LONRF1: variants seen among roughly 807,000 people sequenced by gnomAD.
LONRF1 encodes the protein LON peptidase N-terminal domain and RING finger protein 1.
LONRF1 carries 37 observed loss-of-function variants against 85.8 expected under a neutral mutation model. The observed-to-expected ratio is 0.43, with a 90% CI of 0.33 to 0.57. The LOEUF (loss-of-function observed/expected upper bound fraction) is 0.57, where lower values mean the gene tolerates loss of function less well. Among genes scored for constraint, LONRF1 ranks in the 20% least tolerant of loss-of-function variants. The pLI, the probability that LONRF1 is intolerant of heterozygous loss-of-function variation, is 0.04. For missense variants in LONRF1, 1,036 were observed against 978.0 expected (o/e 1.06, Z -0.79); for synonymous variants, 517 against 390.1 (o/e 1.33, Z -3.83).
intron 1 of LONRF1, among the ~76,000 whole-genome samples, chr8:12,746,538 A>G (rs972217515): frequency 1.8e-4 from 28 of 152,206 alleles, no homozygotes; most frequent in African/African-American, 6.8e-4. Context: ...AACCACTAAG[A>G]GCATGATCTG....
intron 6 of LONRF1, among the ~76,000 whole-genome samples, chr8:12,736,394 T>TATTTAGAATTTAAATAG (rs1798716045): frequency 6.6e-6 from 1 of 152,156 alleles, no homozygotes; most frequent in Non-Finnish European, 1.5e-5. Flanking sequence ...AATAATATCA[T>TATTTAGAATTTAAATAG]CTATAACTTT....
chr8:12,727,295 G>A (rs1798350454), intron 10 of LONRF1: 1 of 147,364 alleles, frequency 6.8e-6, no homozygotes, highest in Non-Finnish European at 1.5e-5. Flanking sequence ...TTTTTGGCCA[G>A]CTCCATTTTA....
At chr8:12,748,984 C>A (rs757259129) in intron 1 of LONRF1, among the ~76,000 whole-genome samples, 1 of 151,986 alleles carries the variant, frequency 6.6e-6, no homozygotes, top group Non-Finnish European at 1.5e-5. Context: ...GTTCAGATCC[C>A]CTTTTGGTAG....
chr8:12,733,007 T>G (rs767410870), intron 7 of LONRF1, among the ~76,000 whole-genome samples: 12 of 152,112 alleles, frequency 7.9e-5, no homozygotes, highest in Non-Finnish European at 1.5e-4. Context: ...GTGGTGGTTT[T>G]CAAAGTTTAG....
chr8:12,754,829 T>A lies in LONRF1; in HGVS notation c.592A>T (p.Asn198Tyr). The A allele has an allele frequency of 1.3e-6, 2 of 1,493,524 alleles. No homozygotes were observed. Among genetic ancestry groups the A allele is most frequent in the Non-Finnish European group, 1.8e-6 (2 of 1,127,166 alleles). The allele number at this position is 1,493,524 out of a possible 1,614,324, so 92.5% of individuals were successfully genotyped here. Residue 198 changes from asparagine to tyrosine, a missense_variant, in exon 1 of 12, where the codon AAC becomes TAC. Physicochemically the swap from Asn to Tyr is moderately radical, Grantham distance 143. Transcript: ENST00000398246. ...ASDFRTSVVL[N>Y]HLAEKWFPGQ... Reference sequence around the variant, plus strand: ...GGAAACCACTTCTCGGCCAGGTGGTTGAGGACGACGCTGGTTCTGAAGTCT... The same window carrying A: ...GGAAACCACTTCTCGGCCAGGTGGTAGAGGACGACGCTGGTTCTGAAGTCT...
chr8:12,743,308 T>C (rs764322688), intron 1 of LONRF1, 26 bp from the exon 2 acceptor site: 8 of 1,286,912 alleles, frequency 6.2e-6, no homozygotes, highest in South Asian at 5.1e-5. Flanking sequence ...TATAAGGATA[T>C]GATTATTTTT....
At chr8:12,751,741 T>C (rs1024797226) in intron 1 of LONRF1, among the ~76,000 whole-genome samples, 2 of 151,898 alleles carry the variant, frequency 1.3e-5, no homozygotes, top group African/African-American at 2.4e-5. Flanking sequence ...TTCTGTTGTC[T>C]TCCTCTGGGG....
chr8:12,754,147 C>G (rs888333563), intron 1 of LONRF1: 1 of 152,248 alleles, frequency 6.6e-6, no homozygotes, highest in African/African-American at 2.4e-5. Flanking sequence ...CCCCCGCCCC[C>G]AGCTTATGCA....
rs773091082 is a variant in LONRF1, at chr8:12,736,990, T to C, written c.1264A>G (p.Lys422Glu). The change falls in exon 5 of 12, where the codon AAA (lysine) becomes GAA (glutamate). Residue 422 changes from lysine (K) to glutamate (E), a missense_variant. This residue lies in a region of LONRF1 where 742 missense variants were observed against 614.4 expected (regional missense o/e 1.21). Transcript: ENST00000398246. Reference protein sequence around the residue: ...SSEPVLSVQEKGVLLKRKLSL... With the variant: ...SSEPVLSVQEEGVLLKRKLSL... ...AACTTTCTTTTCAGCAGAACACCTT[T>C]TTCTTGAACTGACAGAACAGGTTCT... 3 of 1,613,648 alleles carry C rather than the reference T, an allele frequency of 1.9e-6. No individual in the cohort carries two copies. Among genetic ancestry groups the C allele is most frequent in the Non-Finnish European group, 8.5e-7 (1 of 1,179,714 alleles).
Position 12,755,092 on chromosome 8 carries a change from A to C in LONRF1, c.329T>G (p.Val110Gly). 2.0e-6 allele frequency: 3 copies of C among 1,470,730 alleles called. No homozygotes were observed. The highest frequency in any genetic ancestry group is 2.7e-6 in the Non-Finnish European group (3 of 1,116,328). 91.1% of individuals were successfully genotyped at this position (1,470,730 alleles called of 1,614,324 possible). Residue 110 changes from valine to glycine, a missense_variant, in exon 1 of 12, where the codon GTT (valine) becomes GGT (glycine). Val to Gly is a moderately radical substitution (Grantham distance 109). This residue lies in a region of LONRF1 where 742 missense variants were observed against 614.4 expected (regional missense o/e 1.21). Coordinates refer to ENST00000398246, the MANE Select transcript of LONRF1 (RefSeq NM_152271.5). ...RHGLGWSAAP[V>G]AGADGGAGGL... ...GCCGGCGCCGCCGTCAGCGCCTGCA[A>C]CCGGGGCCGCGCTCCAGCCCAGCCC... is the stretch of plus-strand genomic sequence containing the variant.
rs1274450612 is a variant in LONRF1 at position 12,722,969 on chromosome 8, G to C, written c.*127C>G. Reference sequence around the variant, plus strand: ...ATTTGCAGAACCACATGATTCAGGAGGTCGAAGGAAAAAGAAAAGTTTCAT... The same window carrying C: ...ATTTGCAGAACCACATGATTCAGGACGTCGAAGGAAAAAGAAAAGTTTCAT... On this transcript the variant is annotated 3_prime_UTR_variant, in exon 12 of 12. Coordinates refer to ENST00000398246, the MANE Select transcript of LONRF1 (RefSeq NM_152271.5). 1.3e-5 allele frequency: 11 copies of C among 865,270 alleles called. No individual in the cohort carries two copies. The highest frequency in any genetic ancestry group is 1.9e-5 in the South Asian group (1 of 53,810). 53.6% of individuals were successfully genotyped at this position (865,270 alleles called of 1,614,324 possible). A position where few individuals can be genotyped will look rare whatever the true frequency, so the allele number is the denominator to read the frequency against.
chr8:12,755,212 G>C lies in LONRF1; in HGVS notation c.209C>G (p.Ala70Gly). The change falls in exon 1 of 12, where the codon GCG becomes GGG. Residue 70 changes from alanine to glycine, a missense_variant. Around this residue, in one of 3 missense-constraint regions of LONRF1, gnomAD observed 742 missense variants for 614.4 expected, o/e 1.21. Coordinates refer to ENST00000398246, the MANE Select transcript of LONRF1 (RefSeq NM_152271.5). ...LGGHLKGALE[A>G]FAAALRRGAP... is the part of the protein sequence containing the mutation. ...CCCGCGGCGCAGCGCCGCCGCGAAC[G>C]CCTCCAGCGCGCCCTTCAGGTGGCC... The C allele has an allele frequency of 1.6e-6, 2 of 1,263,366 alleles. No homozygotes were observed. The highest frequency in any genetic ancestry group is 2.0e-6 in the Non-Finnish European group (2 of 1,009,678). 78.3% of individuals were successfully genotyped at this position (1,263,366 alleles called of 1,614,324 possible).
intron 1 of LONRF1, chr8:12,754,258 C>G (rs904300900): frequency 6.4e-6 from 1 of 155,586 alleles, no homozygotes; most frequent in African/African-American, 2.4e-5. Flanking sequence ...GGGATTCTCT[C>G]CCCGCCCCGG....
intron 1 of LONRF1, among the ~76,000 whole-genome samples, chr8:12,747,556 G>C (rs558021667): frequency 6.6e-6 from 1 of 152,114 alleles, no homozygotes; most frequent in Non-Finnish European, 1.5e-5. Context: ...TTCTAGGAAT[G>C]GGCAACAGCT....
At chr8:12,752,255 C>A (rs1799437369) in intron 1 of LONRF1, among the ~76,000 whole-genome samples, 1 of 152,110 alleles carries the variant, frequency 6.6e-6, no homozygotes, top group South Asian at 2.1e-4. Context: ...CTTGCCAATT[C>A]CAAAGAAGTT....
Position 12,750,653 on chromosome 8 carries a change from C to T in LONRF1, c.721+4047G>A, listed in dbSNP as rs193226675. On this transcript the variant is annotated intron_variant, in intron 1 of 11. Transcript: ENST00000398246. ...AGTTACTAAAGATAATAAAAACCCT[C>T]TACATTTTCTTTAAATGTATTCAGT... 1.5e-3 allele frequency among the ~76,000 whole-genome samples: 234 copies of T among 152,296 alleles called. 1 individual carries two copies. In the Middle Eastern group the frequency reaches 0.017, roughly 11 times the overall value.
intron 1 of LONRF1, among the ~76,000 whole-genome samples, chr8:12,746,805 G>A (rs1366193936): frequency 6.6e-6 from 1 of 152,190 alleles, no homozygotes; most frequent in East Asian, 1.9e-4. Context: ...TCTAACTCAG[G>A]AAGCCAGCTC....
intron 11 of LONRF1, among the ~76,000 whole-genome samples, chr8:12,724,881 T>G (rs1197784111): frequency 6.6e-6 from 1 of 152,216 alleles, no homozygotes; most frequent in Non-Finnish European, 1.5e-5. Flanking sequence ...AAGGATTCAA[T>G]TGGGATTCAG....
intron 2 of LONRF1, among the ~76,000 whole-genome samples, chr8:12,741,504 A>C (rs900629941): frequency 3.0e-4 from 45 of 152,192 alleles, no homozygotes; most frequent in African/African-American, 1.1e-3. Flanking sequence ...AGGCCCAGAC[A>C]ATGACTTTTT....
Sources: allele counts gnomAD v4.1 joint callset (sites outside exome capture counted in the v4.1 genomes callset), GRCh38; gene constraint gnomAD v4.1.1; regional missense constraint gnomAD v4.1.1; transcripts MANE v1.5; gene names NCBI Gene and HGNC (gene_info 2026-07-23, HGNC 2026-07-21).